Variants in CLN5 observed in about 807,000 individuals in gnomAD.
CLN5 encodes the protein CLN5 lysosomal BMP synthase.
In CLN5, 34 loss-of-function variants were observed where a neutral mutation model predicts 36.7. That is an observed-to-expected ratio of 0.93 (90% confidence interval 0.71 to 1.23). The LOEUF is 1.23. Among genes scored for constraint, CLN5 ranks in the 50% most tolerant of loss-of-function variants. The pLI is 0.00. For synonymous variants in CLN5, 151 were observed against 155.1 expected (o/e 0.97, Z 0.20); for missense variants, 427 against 439.4 (o/e 0.97, Z 0.25).
intron 1 of CLN5, chr13:76,993,708 C>G (rs944154105): frequency 2.0e-5 from 3 of 152,080 alleles, no homozygotes; most frequent in Non-Finnish European, 4.4e-5. Context: ...TTGTTTAAAC[C>G]AGGTAAGTGC....
At position 77,000,311 on chromosome 13, in the gene CLN5, G is replaced by A. The variant is rs141010472; in HGVS notation, c.566-147G>A. On this transcript the variant is annotated intron_variant, in intron 3 of 3. Transcript: ENST00000377453. ...GAGGTGGGAGGATCACTTAAGCCCA[G>A]GAGGTCAAGGCTGCAGTGAGCTGTG... 1.4e-3 allele frequency: 964 copies of A among 676,906 alleles called. 7 individuals are homozygous for A. The African/African-American group carries it at 0.016, about 11-fold the overall frequency. 41.9% of individuals were successfully genotyped at this position (676,906 alleles called of 1,614,324 possible). A position where few individuals can be genotyped will look rare whatever the true frequency, so the allele number is the denominator to read the frequency against.
At chr13:76,995,375 T>G (rs2034248081) in intron 2 of CLN5, 147 bp downstream of exon 2, 2 of 740,922 alleles carry the variant, frequency 2.7e-6, no homozygotes, top group Non-Finnish European at 4.7e-6. Flanking sequence ...TAGTCAAAAA[T>G]AGTTACTATC....
chr13:77,000,275 C>T (rs2034335200), intron 3 of CLN5, 183 bp from the exon 4 acceptor site: 1 of 526,946 alleles, frequency 1.9e-6, no homozygotes, highest in South Asian at 3.1e-5. Flanking sequence ...GTCCCAGCTA[C>T]TCAGGAGGCC....
chr13:76,992,483 C>T (rs746046849), intron 1 of CLN5: 1 of 598,644 alleles, frequency 1.7e-6, no homozygotes, highest in Non-Finnish European at 2.9e-6. Flanking sequence ...TGGGACCTTT[C>T]GTCCCCTCTG....
chr13:76,993,989 TGGCCTTCTCC>T (rs1278484119), intron 1 of CLN5: 2 of 152,256 alleles, frequency 1.3e-5, no homozygotes, highest in Non-Finnish European at 2.9e-5. Context: ...CCTATTGCTG[TGGCCTTCTCC>T]GGTCTTCTTT....
At chr13:76,998,220 AT>A (rs1244039050) in intron 3 of CLN5, 1 of 151,940 alleles carries the variant, frequency 6.6e-6, no homozygotes, top group African/African-American at 2.4e-5. Context: ...TATCTTTGAG[AT>A]TTTTTTCTTC....
chr13:77,000,620 C>T lies in CLN5; in HGVS notation c.728C>T (p.Ala243Val). 1 of 1,614,058 alleles carries T rather than the reference C, an allele frequency of 6.2e-7. No individual in the cohort carries two copies. Among genetic ancestry groups the T allele is most frequent in the Non-Finnish European group, 8.5e-7 (1 of 1,179,984 alleles). ...GTGTTAAGGACCTTTAACAAGTTGG[C>T]TGAATTTGGAGCAGAGTTCAAGAAC... The part of the protein sequence containing the change: ...KFVLRTFNKL[A>V]EFGAEFKNIE... The change falls in exon 4 of 4, where the codon GCT (alanine) becomes GTT (valine). Residue 243 changes from alanine (A) to valine (V), a missense_variant. By Grantham distance (64) the Ala-to-Val change is moderately conservative. Coordinates refer to ENST00000377453, the MANE Select transcript of CLN5 (RefSeq NM_006493.4).
intron 1 of CLN5, 64 bp downstream of exon 1, chr13:76,992,335 C>A: frequency 7.9e-7 from 1 of 1,273,424 alleles, no homozygotes; most frequent in Non-Finnish European, 1.1e-6. Flanking sequence ...GGATGGGGTG[C>A]TGGGGCGGGG....
chr13:76,996,023 A>G lies in CLN5; in HGVS notation c.461A>G (p.Asp154Gly), dbSNP rs1234529940. The G allele has an allele frequency of 6.2e-7, 1 of 1,614,130 alleles. No homozygotes were observed. Among genetic ancestry groups the G allele is most frequent in the South Asian group, 1.1e-5 (1 of 91,080 alleles). ...CTFPHLRPEM[D>G]APFWCNQGAA... ...TTTCCCCATCTCCGACCTGAAATGG[A>G]TGCCCCTTTCTGGTGTAATCAAGGC... The change falls in exon 3 of 4, where the codon GAT becomes GGT. Residue 154 changes from aspartate (D) to glycine (G), a missense_variant. Physicochemically the swap from Asp to Gly is moderately conservative, Grantham distance 94 (BLOSUM62 -1). Transcript: ENST00000377453.
chr13:77,000,791 C>A lies in CLN5; in HGVS notation c.899C>A (p.Pro300Gln). 1 of 1,612,620 alleles carries A rather than the reference C, an allele frequency of 6.2e-7. No homozygotes were observed. Among genetic ancestry groups the A allele is most frequent in the South Asian group, 1.1e-5 (1 of 90,600 alleles). Residue 300 changes from proline to glutamine, a missense_variant, in exon 4 of 4, where the codon CCA becomes CAA. Pro to Gln is a moderately conservative substitution (Grantham distance 76). Coordinates refer to ENST00000377453, the MANE Select transcript of CLN5 (RefSeq NM_006493.4). ...TATTACCCCTTCAAACCACATTTGC[C>A]AACTAAAGAATTTCTGTTGAGTCTC... The part of the protein sequence containing the change: ...RFYYPFKPHL[P>Q]TKEFLLSLLQ...
intron 1 of CLN5, chr13:76,993,023 A>C (rs1006227532): frequency 8.5e-5 from 13 of 152,254 alleles, no homozygotes; most frequent in African/African-American, 3.1e-4. Flanking sequence ...GAAAACAGCT[A>C]TTTTTCTTTA....
At chr13:76,993,782 A>G (rs2034219421) in intron 1 of CLN5, 1 of 152,216 alleles carries the variant, frequency 6.6e-6, no homozygotes, top group Non-Finnish European at 1.5e-5. Context: ...TTCGATTAGC[A>G]TAAAGATTTT....
In CLN5 at chr13:77,003,092, G is replaced by A. The variant is rs2034389587; in HGVS notation, c.*2123G>A. ...TGAGGTGGTGGAAGGATCACTGAAG[G>A]TCGGGAGTTCAAGACCAGCCTGGCC... On this transcript the variant is annotated 3_prime_UTR_variant, in exon 4 of 4. Transcript: ENST00000377453. 6.6e-6 allele frequency: 1 copy of A among 151,986 alleles called. No homozygotes were observed. Among genetic ancestry groups the A allele is most frequent in the East Asian group, 1.9e-4 (1 of 5,178 alleles). The allele number at this position is 151,986 out of a possible 1,614,324, so 9.4% of individuals were successfully genotyped here.
At chr13:76,997,379 C>T (rs1000591645) in intron 3 of CLN5, 28 of 152,240 alleles carry the variant, frequency 1.8e-4, no homozygotes, top group African/African-American at 6.5e-4. Flanking sequence ...CTCCTGACCT[C>T]AGGTCATCTG....
chr13:77,003,396 C>T lies in CLN5; in HGVS notation c.*2427C>T, dbSNP rs949646702. ...AAAGCATCATAAAGTCAGGTAACTA[C>T]AGCACAGACAGCATTAACATTTACA... On this transcript the variant is annotated 3_prime_UTR_variant, in exon 4 of 4. Coordinates refer to ENST00000377453, the MANE Select transcript of CLN5 (RefSeq NM_006493.4). 4.6e-5 allele frequency: 7 copies of T among 152,188 alleles called. No homozygotes were observed. In the East Asian group the frequency reaches 1.2e-3, roughly 25 times the overall value. 9.4% of individuals were successfully genotyped at this position (152,188 alleles called of 1,614,324 possible).
chr13:77,004,004 G>A lies in CLN5; in HGVS notation c.*3035G>A, dbSNP rs2034406433. The A allele has an allele frequency of 6.6e-6, 1 of 152,204 alleles. No individual in the cohort carries two copies. Among genetic ancestry groups the A allele is most frequent in the South Asian group, 2.1e-4 (1 of 4,832 alleles). 9.4% of individuals were successfully genotyped at this position (152,204 alleles called of 1,614,324 possible). On this transcript the variant is annotated 3_prime_UTR_variant, in exon 4 of 4. Coordinates refer to ENST00000377453, the MANE Select transcript of CLN5 (RefSeq NM_006493.4). ...TTTTTAGTCTGACTAGGGCTTTAGAGTGAATATATCTCCTCATTAATCTGG... is the reference window on the plus strand; with the variant it reads ...TTTTTAGTCTGACTAGGGCTTTAGAATGAATATATCTCCTCATTAATCTGG...
intron 1 of CLN5, chr13:76,993,520 A>G (rs1297665742): frequency 6.6e-6 from 1 of 152,228 alleles, no homozygotes; most frequent in African/African-American, 2.4e-5. Flanking sequence ...CATTAGGGCA[A>G]GGTGTTGACT....
rs1806015648 is a variant in CLN5 at position 77,003,357 on chromosome 13, T to C, written c.*2388T>C. Reference sequence around the variant, plus strand: ...TTTTCATTGTTCCTAAGAATCTTAATTAAATGAAGACAGAAAGCATCATAA... The same window carrying C: ...TTTTCATTGTTCCTAAGAATCTTAACTAAATGAAGACAGAAAGCATCATAA... On this transcript the variant is annotated 3_prime_UTR_variant, in exon 4 of 4. Coordinates refer to ENST00000377453, the MANE Select transcript of CLN5 (RefSeq NM_006493.4). 1 of 152,096 alleles carries C rather than the reference T, an allele frequency of 6.6e-6. No homozygotes were observed. The highest frequency in any genetic ancestry group is 2.4e-5 in the African/African-American group (1 of 41,390). 9.4% of individuals were successfully genotyped at this position (152,096 alleles called of 1,614,324 possible).
chr13:77,004,194 GT>G lies in CLN5; in HGVS notation c.*3229del, dbSNP rs1444460015. 6.6e-6 allele frequency: 1 copy of G among 152,168 alleles called. No homozygotes were observed. Among genetic ancestry groups the G allele is most frequent in the Non-Finnish European group, 1.5e-5 (1 of 68,028 alleles). The allele number at this position is 152,168 out of a possible 1,614,324, so 9.4% of individuals were successfully genotyped here. ...ATCAAGTCTTAGGAAGTCTTATCCA[GT>G]TTTATGGTCTGCTGTGGTGGCACTT... On this transcript the variant is annotated 3_prime_UTR_variant, in exon 4 of 4. Coordinates refer to ENST00000377453, the MANE Select transcript of CLN5 (RefSeq NM_006493.4).
Sources: allele counts gnomAD v4.1 joint callset, GRCh38; gene constraint gnomAD v4.1.1; transcripts MANE v1.5; gene names NCBI Gene and HGNC (gene_info 2026-07-23, HGNC 2026-07-21).